Variants in LRRFIP2 observed in about 807,000 individuals in gnomAD.
LRRFIP2 encodes LRR binding FLII interacting protein 2.
In LRRFIP2, 109 loss-of-function variants were observed where a neutral mutation model predicts 125.9. The ratio of observed to expected loss-of-function variants is 0.87; its 90% CI spans 0.74 to 1.01. The LOEUF (loss-of-function observed/expected upper bound fraction) is 1.01. Among genes scored for constraint, LRRFIP2 ranks in the 50% least tolerant of loss-of-function variants. The pLI, the probability that LRRFIP2 is intolerant of heterozygous loss-of-function variation, is 0.00. For missense variants in LRRFIP2, 850 were observed against 862.3 expected (o/e 0.99, Z 0.18); for synonymous variants, 291 against 293.1 (o/e 0.99, Z 0.07).
rs559455935 is a variant in LRRFIP2, at chr3:37,164,516, G to A, written c.-56+10023C>T. Among the ~76,000 whole-genome samples the A allele has an allele frequency of 3.3e-5, 5 of 152,150 alleles. No individual in the cohort carries two copies. The South Asian group carries it at 6.2e-4, about 19-fold the overall frequency. On this transcript the variant is annotated intron_variant, in intron 1 of 27. Transcript: ENST00000336686. Reference sequence around the variant, plus strand: ...GCAGATCACCTGAGGTCAGGAGTTCGAGATCAGCCTGACCAACATGGTGAA... The same window carrying A: ...GCAGATCACCTGAGGTCAGGAGTTCAAGATCAGCCTGACCAACATGGTGAA...
intron 21 of LRRFIP2, 42 bp downstream of exon 21, chr3:37,072,748 T>TC (rs768845324): frequency 1.7e-6 from 2 of 1,183,740 alleles, no homozygotes; most frequent in South Asian, 2.5e-5. Context: ...ACTGTAGTCC[T>TC]CATCAATGAG....
At chr3:37,095,846 C>T (rs147318912) in intron 16 of LRRFIP2, among the ~76,000 whole-genome samples, 1 of 152,106 alleles carries the variant, frequency 6.6e-6, no homozygotes, top group African/African-American at 2.4e-5. Flanking sequence ...AGGGTTTTAC[C>T]GTGTTGGTCA....
intron 16 of LRRFIP2, among the ~76,000 whole-genome samples, chr3:37,095,991 G>A (rs1431213758): frequency 1.3e-5 from 2 of 151,926 alleles, no homozygotes; most frequent in Non-Finnish European, 2.9e-5. Flanking sequence ...TTGGATATTT[G>A]GATTAAATAA....
chr3:37,128,975 A>G, intron 3 of LRRFIP2, 88 bp downstream of exon 3: 1 of 1,191,254 alleles, frequency 8.4e-7, no homozygotes, highest in South Asian at 1.2e-5. Flanking sequence ...AATGTTTCAA[A>G]GGAAACCAGA....
At chr3:37,076,319 T>C (rs1238915020) in intron 19 of LRRFIP2, among the ~76,000 whole-genome samples, 1 of 151,748 alleles carries the variant, frequency 6.6e-6, no homozygotes, top group Non-Finnish European at 1.5e-5. Context: ...AGCCGAAGAA[T>C]TCAAGACCCT....
chr3:37,062,397 C>A (rs979304025), intron 24 of LRRFIP2, among the ~76,000 whole-genome samples: 1 of 152,004 alleles, frequency 6.6e-6, no homozygotes, highest in Non-Finnish European at 1.5e-5. Context: ...GAGAACACAG[C>A]ATATGGGAGG....
intron 25 of LRRFIP2, 134 bp downstream of exon 25, chr3:37,058,654 GAC>G: frequency 2.3e-6 from 2 of 872,264 alleles, no homozygotes; most frequent in Non-Finnish European, 1.7e-6. Context: ...TGACCTGGGT[GAC>G]AGAGTGAGAC....
intron 1 of LRRFIP2, among the ~76,000 whole-genome samples, chr3:37,156,816 A>G (rs2096214274): frequency 6.6e-6 from 1 of 151,976 alleles, no homozygotes; most frequent in Admixed American, 6.6e-5. Context: ...AAGAATACCT[A>G]GTAGTTACAT....
intron 19 of LRRFIP2, among the ~76,000 whole-genome samples, chr3:37,081,075 C>T (rs2092601952): frequency 6.6e-6 from 1 of 152,090 alleles, no homozygotes; most frequent in Non-Finnish European, 1.5e-5. Context: ...GGCAATACAG[C>T]AAGGCCCCAT....
chr3:37,102,980 G>T lies in LRRFIP2; in HGVS notation c.817C>A (p.Arg273Ser). The T allele has an allele frequency of 6.4e-7, 1 of 1,566,166 alleles. No homozygotes were observed. ...SAADYFSRSN[R>S]RGSVVSEVDD... is the part of the protein sequence containing the mutation. ...ACCTCAGAGACAACACTTCCCCTAC[G>T]ATTGGAGCGACTGAAATAATCAGCG... Residue 273 changes from arginine (R) to serine (S), a missense_variant, in exon 15 of 28, where the codon CGT becomes AGT. Coordinates refer to ENST00000336686, the MANE Select transcript of LRRFIP2 (RefSeq NM_006309.4).
intron 1 of LRRFIP2, among the ~76,000 whole-genome samples, chr3:37,162,106 T>C (rs2096361846): frequency 7.4e-6 from 1 of 134,980 alleles, no homozygotes; most frequent in South Asian, 2.3e-4. Flanking sequence ...TAGTGAGTCA[T>C]GTTGATGCTA....
intron 17 of LRRFIP2, among the ~76,000 whole-genome samples, chr3:37,092,818 C>T (rs1386014193): frequency 6.6e-6 from 1 of 152,108 alleles, no homozygotes; most frequent in Non-Finnish European, 1.5e-5. Context: ...ACAAGTAAGA[C>T]TCCTTTTCCA....
intron 1 of LRRFIP2, among the ~76,000 whole-genome samples, chr3:37,164,466 C>G (rs907369242): frequency 6.6e-6 from 1 of 152,054 alleles, no homozygotes; most frequent in African/African-American, 2.4e-5. Flanking sequence ...GCCTGTAATT[C>G]CAGCACTTTG....
chr3:37,162,155 C>CAAAAAAAA (rs71091697), intron 1 of LRRFIP2, among the ~76,000 whole-genome samples: 8 of 73,990 alleles, frequency 1.1e-4, no homozygotes, highest in East Asian at 4.4e-4. Context: ...GACCCTGTCT[C>CAAAAAAAA]AAAAAAAAAA....
chr3:37,164,183 A>G (rs1460321479), intron 1 of LRRFIP2, among the ~76,000 whole-genome samples: 1 of 152,220 alleles, frequency 6.6e-6, no homozygotes, highest in Non-Finnish European at 1.5e-5. Context: ...TAACTCCCTG[A>G]AAAAACAAAG....
chr3:37,055,156 T>C lies in LRRFIP2; in HGVS notation c.1880A>G (p.Asn627Ser), dbSNP rs778962346. 6 of 1,591,320 alleles carry C rather than the reference T, an allele frequency of 3.8e-6. No homozygotes were observed. Among genetic ancestry groups the C allele is most frequent in the African/African-American group, 1.4e-5 (1 of 73,414 alleles). The change falls in exon 26 of 28, where the codon AAT becomes AGT. Residue 627 changes from asparagine to serine, a missense_variant. Asn to Ser is a conservative substitution (Grantham distance 46). Coordinates refer to ENST00000336686, the MANE Select transcript of LRRFIP2 (RefSeq NM_006309.4). ...LQFIEMQRDA[N>S]RQISEYKFKL... is the part of the protein sequence containing the mutation. ...AAATTTGTATTCGCTAATTTGTCTA[T>C]TGGCATCTCCTAGAACAGAAGAAGA...
intron 18 of LRRFIP2, among the ~76,000 whole-genome samples, chr3:37,087,616 T>A (rs575761061): frequency 6.7e-6 from 1 of 150,270 alleles, no homozygotes; most frequent in South Asian, 2.1e-4. Flanking sequence ...TGAGACGGAG[T>A]CTCACTGTGT....
chr3:37,095,220 T>G (rs9820888), intron 16 of LRRFIP2, among the ~76,000 whole-genome samples: 129,375 of 152,234 alleles, frequency 0.85, 55,594 homozygotes, highest in African/African-American at 0.97. Flanking sequence ...AAACAATACT[T>G]AAGTGAGCAC....
intron 1 of LRRFIP2, among the ~76,000 whole-genome samples, chr3:37,152,728 C>T (rs1021834461): frequency 2.0e-5 from 3 of 152,282 alleles, no homozygotes; most frequent in South Asian, 2.1e-4. Context: ...CAGGCATGAG[C>T]CACATGACCG....
Sources: gnomAD v4.1 joint callset for allele counts (sites outside exome capture counted in the v4.1 genomes callset) on GRCh38, gnomAD v4.1.1 for gene constraint, MANE v1.5 for transcripts, NCBI Gene and HGNC (gene_info 2026-07-23, HGNC 2026-07-21) for gene names.